Variants in RRM1 observed in about 807,000 individuals in gnomAD.
The protein encoded by RRM1 is ribonucleotide reductase catalytic subunit M1.
Under a neutral mutation model 101.5 loss-of-function variants are expected in RRM1, and 19 were observed. That is an observed-to-expected ratio of 0.19 (90% CI 0.13 to 0.27). The LOEUF is 0.27. Among genes scored for constraint, RRM1 ranks in the 10% least tolerant of loss-of-function variants. RRM1 has a pLI of 1.00. For missense variants in RRM1, 500 were observed against 962.9 expected, an observed-to-expected ratio of 0.52 and a Z score of 6.36; for synonymous variants, 298 against 323.4, an observed-to-expected ratio of 0.92 and a Z score of 0.84.
chr11:4,096,674 T>G (rs1403012982), intron 1 of RRM1, among the ~76,000 whole-genome samples: 2 of 152,196 alleles, frequency 1.3e-5, no homozygotes, highest in Admixed American at 1.3e-4. Context: ...TATTATTTAT[T>G]TGTATTTTTT....
chr11:4,121,612 G>A lies in RRM1; in HGVS notation c.885G>A (p.Gly295=). The A allele has an allele frequency of 6.2e-7, 1 of 1,611,626 alleles. No individual in the cohort carries two copies. ...YVDQGGNKRP[G]AFAIYLEPWH... ...GATTTATTTACCACTAGCGTCCTGG[G>A]GCATTTGCTATTTACCTGGAGCCTT... Residue 295 remains glycine (G), a synonymous_variant, in exon 10 of 19, where the codon GGG becomes GGA. Transcript: ENST00000300738.
chr11:4,126,270 G>A (rs1240349672), intron 12 of RRM1, among the ~76,000 whole-genome samples: 1 of 152,204 alleles, frequency 6.6e-6, no homozygotes, highest in Non-Finnish European at 1.5e-5. Flanking sequence ...AATATGACTA[G>A]TGCAACTGAG....
rs1306999124 is a variant in RRM1, at chr11:4,100,680, C to G, written c.20-1313C>G. On this transcript the variant is annotated intron_variant, in intron 1 of 18. Transcript: ENST00000300738. ...ATCACATACTGTGATTTTTTTTTCC[C>G]CCATAGGAGCAGCTTTATTTTATAA... 2.0e-5 allele frequency among the ~76,000 whole-genome samples: 3 copies of G among 152,008 alleles called. No homozygotes were observed. In the East Asian group the frequency reaches 5.8e-4, roughly 29 times the overall value.
At position 4,121,824 on chromosome 11, in the gene RRM1, T is replaced by C. The variant is rs72555784; in HGVS notation, c.1038+59T>C. On this transcript the variant is annotated intron_variant, in intron 10 of 18. Transcript: ENST00000300738. ...TGATTCACATGAGCTTTCTCTTTTT[T>C]AGTCATCTTAAGTCATGCTTAGGAA... The C allele has an allele frequency of 3.2e-3, 4,755 of 1,491,788 alleles. 33 individuals are homozygous for C. Among genetic ancestry groups the C allele is most frequent in the South Asian group, 0.016 (1,164 of 72,976 alleles). 92.4% of individuals were successfully genotyped at this position (1,491,788 alleles called of 1,614,324 possible).
chr11:4,130,644 C>T (rs1361907292), intron 15 of RRM1, among the ~76,000 whole-genome samples: 4 of 151,824 alleles, frequency 2.6e-5, no homozygotes, highest in African/African-American at 9.7e-5. Context: ...TACAGGGAGC[C>T]GAGATCATGC....
chr11:4,100,512 AGTTTTGGATTTTGGAGT>A (rs1013669521), intron 1 of RRM1, among the ~76,000 whole-genome samples: 1 of 152,214 alleles, frequency 6.6e-6, no homozygotes, highest in African/African-American at 2.4e-5. Flanking sequence ...GCATTGAAAA[AGTTTTGGATTTTGGAGT>A]GTTTTGGATT....
chr11:4,105,798 C>G (rs757194432), intron 2 of RRM1: 2 of 455,818 alleles, frequency 4.4e-6, no homozygotes, highest in East Asian at 4.4e-5. Context: ...CTCCTGGACT[C>G]AAGCCATTCT....
At chr11:4,119,747 C>A in intron 8 of RRM1, 98 bp from the exon 9 acceptor site, 1 of 753,964 alleles carries the variant, frequency 1.3e-6, no homozygotes, top group South Asian at 1.5e-5. Flanking sequence ...AGATTGCTAC[C>A]TAGAAATTAG....
intron 18 of RRM1, among the ~76,000 whole-genome samples, chr11:4,136,690 G>C (rs1196405690): frequency 2.6e-5 from 4 of 151,964 alleles, no homozygotes; most frequent in African/African-American, 9.7e-5. Context: ...CCCCTCTTGG[G>C]GGATTACAGG....
chr11:4,121,438 T>G (rs1428778306), intron 9 of RRM1, 166 bp from the exon 10 acceptor site: 3 of 478,606 alleles, frequency 6.3e-6, no homozygotes, highest in Non-Finnish European at 1.1e-5. Context: ...AAATATTACT[T>G]TTACAATTAT....
intron 7 of RRM1, among the ~76,000 whole-genome samples, chr11:4,117,752 C>T (rs572936760): frequency 6.6e-6 from 1 of 152,110 alleles, no homozygotes; most frequent in Non-Finnish European, 1.5e-5. Flanking sequence ...TAGATAGAAT[C>T]CATTTGCATG....
intron 7 of RRM1, among the ~76,000 whole-genome samples, chr11:4,114,181 T>C (rs1225407901): frequency 6.6e-6 from 1 of 151,816 alleles, no homozygotes. Context: ...ATGATACATC[T>C]GTATAGGACA....
intron 6 of RRM1, 81 bp downstream of exon 6, chr11:4,111,721 TCTTG>T: frequency 7.5e-7 from 1 of 1,326,274 alleles, no homozygotes. Flanking sequence ...GTCTTAATAT[TCTTG>T]CTTAGACTCT....
At chr11:4,105,571 T>C (rs956948922) in intron 2 of RRM1, 3 of 397,286 alleles carry the variant, frequency 7.6e-6, no homozygotes, top group South Asian at 3.5e-5. Flanking sequence ...GTTTTCTTTT[T>C]TCTTTCCTTT....
chr11:4,116,668 G>T (rs1368760048), intron 7 of RRM1, among the ~76,000 whole-genome samples: 3 of 152,092 alleles, frequency 2.0e-5, no homozygotes, highest in Non-Finnish European at 2.9e-5. Context: ...GTTAACTATT[G>T]AGAGATTATA....
chr11:4,100,668 ATT>A (rs34546028), intron 1 of RRM1, among the ~76,000 whole-genome samples: 103 of 152,174 alleles, frequency 6.8e-4, no homozygotes, highest in East Asian at 4.6e-3. Flanking sequence ...ACATACTGTG[ATT>A]TTTTTTTCCC....
At chr11:4,110,418 C>T (rs2094563702) in intron 5 of RRM1, among the ~76,000 whole-genome samples, 2 of 152,036 alleles carry the variant, frequency 1.3e-5, no homozygotes, top group African/African-American at 4.8e-5. Flanking sequence ...CTCCCAAAGT[C>T]CTGGGATTAC....
chr11:4,131,622 A>G (rs556890987), intron 15 of RRM1, among the ~76,000 whole-genome samples: 56 of 152,344 alleles, frequency 3.7e-4, no homozygotes, highest in African/African-American at 1.3e-3. Context: ...ATTGCTATCA[A>G]TTAGGCTGAG....
chr11:4,119,717 G>A, intron 8 of RRM1, 128 bp from the exon 9 acceptor site: 1 of 677,584 alleles, frequency 1.5e-6, no homozygotes, highest in South Asian at 1.7e-5. Context: ...AGTAGAGATG[G>A]AGAGCAGGTA....
Sources: allele counts gnomAD v4.1 joint callset (sites outside exome capture counted in the v4.1 genomes callset), GRCh38; gene constraint gnomAD v4.1.1; transcripts MANE v1.5; gene names NCBI Gene and HGNC (gene_info 2026-07-23, HGNC 2026-07-21).